The following KRT73 variants were observed in gnomAD, a reference collection of about 807,000 sequenced individuals.
The protein encoded by KRT73 is keratin 73.
KRT73 carries 44 observed loss-of-function variants against 47.2 expected under a neutral mutation model. The observed-to-expected ratio is 0.93, with a 90% CI of 0.73 to 1.20. The LOEUF is 1.20. Ranked by LOEUF, KRT73 falls within the 50% of genes most tolerant of loss-of-function variation. KRT73 has a pLI of 0.00. For synonymous variants in KRT73, 285 were observed against 291.3 expected, an observed-to-expected ratio of 0.98 and a Z score of 0.22; for missense variants, 713 against 704.5, an observed-to-expected ratio of 1.01 and a Z score of -0.14.
At chr12:52,614,274 G>A in intron 4 of KRT73, 1 of 377,080 alleles carries the variant, frequency 2.7e-6, no homozygotes, top group Admixed American at 4.3e-5. Context: ...CAAGACCCCA[G>A]GAAACATCCC....
At chr12:52,615,374 G>A (rs1380957099) in intron 2 of KRT73, 35 bp from the exon 3 acceptor site, 2 of 1,553,628 alleles carry the variant, frequency 1.3e-6, no homozygotes, top group Non-Finnish European at 1.8e-6. Context: ...CAGAGTGTGT[G>A]TCTGTGTGTG....
chr12:52,619,873 T>C (rs1486675146), upstream of KRT73, among the ~76,000 whole-genome samples: 1 of 152,214 alleles, frequency 6.6e-6, no homozygotes, highest in Non-Finnish European at 1.5e-5. Flanking sequence ...CTGGAGTACT[T>C]GAATGAACAG....
rs953264198 is a variant in KRT73, at chr12:52,617,198, C to T, written c.448-818G>A. Among the ~76,000 whole-genome samples, 3 of 152,218 alleles carry T rather than the reference C, an allele frequency of 2.0e-5. No individual in the cohort carries two copies. The East Asian group carries it at 5.8e-4, about 29-fold the overall frequency. Reference sequence around the variant, plus strand: ...CCCCACCTCCATCTGAAAACTCCTACTCATGCCTCACCACCCTACCTCACT... The same window carrying T: ...CCCCACCTCCATCTGAAAACTCCTATTCATGCCTCACCACCCTACCTCACT... On this transcript the variant is annotated intron_variant, in intron 1 of 8. Transcript: ENST00000305748.
chr12:52,611,660 A>G (rs1280815138), intron 5 of KRT73, among the ~76,000 whole-genome samples: 4 of 152,162 alleles, frequency 2.6e-5, no homozygotes, highest in Admixed American at 6.5e-5. Context: ...AAACTCTTAC[A>G]TGGCATCCAG....
At position 52,609,271 on chromosome 12, in the gene KRT73, C is replaced by A; in HGVS notation, c.1342G>T (p.Glu448Ter). ...CAAATGCTCACGGAGTTGGTATATT[C>A]TCCGGACATCCTGCAAGAGAGAAAA... is the stretch of plus-strand genomic sequence containing the variant. ...LEGEECRMSG[E>*]YTNSVSISVI... The change falls in exon 8 of 9, where the codon GAA becomes TAA. Residue 448 changes from glutamate to a stop codon, truncating the protein, a stop_gained. Transcript: ENST00000305748. LOFTEE classifies it low-confidence loss of function (END_TRUNC). 6.2e-7 allele frequency: 1 copy of A among 1,613,700 alleles called. No homozygotes were observed. Among genetic ancestry groups the A allele is most frequent in the Non-Finnish European group, 8.5e-7 (1 of 1,179,634 alleles).
Position 52,618,203 on chromosome 12 carries a change from T to A in KRT73, c.322A>T (p.Thr108Ser), listed in dbSNP as rs768983328. Residue 108 changes from threonine to serine, a missense_variant, in exon 1 of 9, where the codon ACC (threonine) becomes TCC (serine). Thr to Ser is a moderately conservative substitution (Grantham distance 58). Coordinates refer to ENST00000305748, the MANE Select transcript of KRT73 (RefSeq NM_175068.3). ...LCPPGGIHQV[T>S]INKSLLAPLN... ...GGTGCCAGGAGGCTCTTGTTGATGG[T>A]GACCTGATGGATACCCCCGGGCGGG... is the stretch of plus-strand genomic sequence containing the variant. 47 of 1,613,938 alleles carry A rather than the reference T, an allele frequency of 2.9e-5. No individual in the cohort carries two copies. The Admixed American group carries it at 7.7e-4, about 26-fold the overall frequency.
At chr12:52,630,261 G>A in the KRT73 span, among the ~76,000 whole-genome samples, 1 of 152,180 alleles carries the variant, frequency 6.6e-6, no homozygotes, top group Non-Finnish European at 1.5e-5. Context: ...GGTTGACAGA[G>A]TGCCTGCCAC....
rs1176607007 is a variant in KRT73 at position 52,611,352 on chromosome 12, A to T, written c.985-23T>A. ...GAACTAGAGGAAAAGGAACCAAAGC[A>T]AGAACACTGACTCAGGGCTTGGCTG... is the stretch of plus-strand genomic sequence containing the variant. On this transcript the variant is annotated intron_variant, in intron 5 of 8. Coordinates refer to ENST00000305748, the MANE Select transcript of KRT73 (RefSeq NM_175068.3). 4 of 1,613,840 alleles carry T rather than the reference A, an allele frequency of 2.5e-6. No homozygotes were observed. In the South Asian group the frequency reaches 4.4e-5, roughly 18 times the overall value.
chr12:52,617,247 G>A (rs1046735776), intron 1 of KRT73, among the ~76,000 whole-genome samples: 1 of 152,126 alleles, frequency 6.6e-6, no homozygotes, highest in Non-Finnish European at 1.5e-5. Flanking sequence ...AGCTTCCCCT[G>A]CTCCTCTAAG....
the KRT73 span, among the ~76,000 whole-genome samples, chr12:52,623,588 T>G: frequency 1.7e-4 from 26 of 152,282 alleles, no homozygotes; most frequent in African/African-American, 5.3e-4. Flanking sequence ...AGACTTTCCT[T>G]CTCTTGAATT....
intron 5 of KRT73, among the ~76,000 whole-genome samples, chr12:52,611,992 C>T (rs1042621506): frequency 2.0e-5 from 3 of 152,204 alleles, no homozygotes; most frequent in African/African-American, 4.8e-5. Context: ...CATGTGTTCT[C>T]CATCCGACCC....
At chr12:52,617,128 C>G (rs1258343834) in intron 1 of KRT73, among the ~76,000 whole-genome samples, 1 of 152,194 alleles carries the variant, frequency 6.6e-6, no homozygotes, top group South Asian at 2.1e-4. Context: ...ATTCCCCAGA[C>G]AAGTTCTACC....
rs773663025 is a variant in KRT73, at chr12:52,610,604, G to A, written c.1331+11C>T. 6 of 1,441,596 alleles carry A rather than the reference G, an allele frequency of 4.2e-6. No individual in the cohort carries two copies. The highest frequency in any genetic ancestry group is 2.3e-5 in the South Asian group (2 of 88,788). 89.3% of individuals were successfully genotyped at this position (1,441,596 alleles called of 1,614,324 possible). ...ACTTGCAGTTTCTTCCAGTCCCTCG[G>A]TCCCACCCACCTGCACTCCTCGCCC... On this transcript the variant is annotated intron_variant, in intron 7 of 8. Transcript: ENST00000305748.
intron 7 of KRT73, 149 bp downstream of exon 7, chr12:52,610,466 T>G: frequency 1.3e-6 from 1 of 751,052 alleles, no homozygotes; most frequent in Non-Finnish European, 2.2e-6. Flanking sequence ...GCTGTCACAT[T>G]ATCTGGCAGG....
chr12:52,623,820 A>G, the KRT73 span, among the ~76,000 whole-genome samples: 922 of 152,270 alleles, frequency 6.1e-3, 23 homozygotes, highest in East Asian at 0.052. Flanking sequence ...AAAATGCTAT[A>G]CAAAAACGTT....
chr12:52,628,423 G>C, the KRT73 span, among the ~76,000 whole-genome samples: 7 of 152,018 alleles, frequency 4.6e-5, no homozygotes, highest in African/African-American at 1.7e-4. Flanking sequence ...TGGCCACCCA[G>C]GGTCTACGAA....
chr12:52,615,479 A>G lies in KRT73; in HGVS notation c.663-140T>C, dbSNP rs374698333. 3.0e-4 allele frequency: 181 copies of G among 606,698 alleles called. 1 individual carries two copies. The African/African-American group carries it at 3.0e-3, about 10-fold the overall frequency. 37.6% of individuals were successfully genotyped at this position (606,698 alleles called of 1,614,324 possible). ...TCTATACCTTTGCAAGTCCATCCCA[A>G]CACACCAGGACTATTTGGCCAGAGT... On this transcript the variant is annotated intron_variant, in intron 2 of 8. Transcript: ENST00000305748.
the KRT73 span, among the ~76,000 whole-genome samples, chr12:52,627,068 A>T: frequency 1.3e-5 from 2 of 152,084 alleles, no homozygotes; most frequent in African/African-American, 4.8e-5. Flanking sequence ...GCACCTACTT[A>T]TGTGCCCAGC....
At chr12:52,622,721 G>A (rs1940924139), upstream of KRT73, among the ~76,000 whole-genome samples, 1 of 152,188 alleles carries the variant, frequency 6.6e-6, no homozygotes, top group Admixed American at 6.5e-5. Flanking sequence ...CGAGGGCGAA[G>A]GGAAGTGGAG....
Sources: gnomAD v4.1 joint callset for allele counts (sites outside exome capture counted in the v4.1 genomes callset) on GRCh38, gnomAD v4.1.1 for gene constraint, MANE v1.5 for transcripts, NCBI Gene and HGNC (gene_info 2026-07-23, HGNC 2026-07-21) for gene names.